Variants in UTRN observed in about 807,000 individuals in gnomAD.
UTRN encodes dystrophin-related protein 1.
Under a neutral mutation model 463.9 loss-of-function variants are expected in UTRN, and 283 were observed. The ratio of observed to expected loss-of-function variants is 0.61; its 90% CI spans 0.55 to 0.67. The LOEUF is 0.67. Among genes scored for constraint, UTRN ranks in the 30% least tolerant of loss-of-function variants. UTRN has a pLI of 0.00. For missense variants in UTRN, 3,922 were observed against 4,084.3 expected, an observed-to-expected ratio of 0.96 and a Z score of 1.08; for synonymous variants, 1,442 against 1,431.5, an observed-to-expected ratio of 1.01 and a Z score of -0.17.
rs1371428264 is a variant in UTRN at position 144,344,437 on chromosome 6, C to T, written c.79+52530C>T. On this transcript the variant is annotated intron_variant, in intron 2 of 74. Coordinates refer to ENST00000367545, the MANE Select transcript of UTRN (RefSeq NM_007124.3). ...CAGGCTGGTGACGGGAACAGACAGC[C>T]TGTCTTTCCTGCTGCCACGTCTGTT... is the stretch of plus-strand genomic sequence containing the variant. The T allele has an allele frequency of 5.8e-6, 6 of 1,031,052 alleles. No individual in the cohort carries two copies. In the East Asian group the frequency reaches 3.7e-4, roughly 63 times the overall value. The allele number at this position is 1,031,052 out of a possible 1,614,324, so 63.9% of individuals were successfully genotyped here.
chr6:144,785,586 CT>C (rs1776228702), intron 61 of UTRN, among the ~76,000 whole-genome samples: 1 of 151,352 alleles, frequency 6.6e-6, no homozygotes, highest in South Asian at 2.1e-4. Flanking sequence ...TACCCACCTC[CT>C]GATATTCTGA....
chr6:144,801,961 T>A (rs1777736395), intron 64 of UTRN, among the ~76,000 whole-genome samples: 1 of 152,132 alleles, frequency 6.6e-6, no homozygotes, highest in South Asian at 2.1e-4. Context: ...CCCCACCCAA[T>A]AACTTTGGTT....
At chr6:144,538,340 A>G (rs543685384) in intron 44 of UTRN, among the ~76,000 whole-genome samples, 1 of 152,144 alleles carries the variant, frequency 6.6e-6, no homozygotes, top group Admixed American at 6.6e-5. Context: ...TTGTTGCAGA[A>G]CACTCAGCAT....
chr6:144,647,809 T>C (rs925898199), intron 51 of UTRN, among the ~76,000 whole-genome samples: 2 of 152,240 alleles, frequency 1.3e-5, no homozygotes, highest in Non-Finnish European at 2.9e-5. Flanking sequence ...ACATGGATAG[T>C]TCAAAATGGA....
chr6:144,551,646 G>A (rs9497002), intron 48 of UTRN, among the ~76,000 whole-genome samples: 3,756 of 152,218 alleles, frequency 0.025, 156 homozygotes, highest in African/African-American at 0.084. Context: ...TTCTAGCTCA[G>A]AAGCATCTAG....
At chr6:144,301,757 G>A (rs2473146) in intron 2 of UTRN, among the ~76,000 whole-genome samples, 20,861 of 151,588 alleles carry the variant, frequency 0.14, 1,901 homozygotes, top group African/African-American at 0.27. Flanking sequence ...CTGGTCCTGA[G>A]CTCCTAACCT....
chr6:144,372,444 G>T (rs1390057787), intron 2 of UTRN, among the ~76,000 whole-genome samples: 1 of 152,160 alleles, frequency 6.6e-6, no homozygotes, highest in African/African-American at 2.4e-5. Context: ...TGCAAATTAG[G>T]TATCTGCTAA....
chr6:144,423,453 C>A, intron 4 of UTRN, 96 bp from the exon 5 acceptor site: 1 of 1,275,408 alleles, frequency 7.8e-7, no homozygotes, highest in Non-Finnish European at 1.1e-6. Context: ...GGGCCCTGTA[C>A]GCTGAGCTTC....
chr6:144,604,598 C>T (rs1434978715), intron 51 of UTRN, among the ~76,000 whole-genome samples: 1 of 151,762 alleles, frequency 6.6e-6, no homozygotes, highest in African/African-American at 2.4e-5. Context: ...AATTTTTTTT[C>T]AACTTTGAAT....
intron 51 of UTRN, among the ~76,000 whole-genome samples, chr6:144,643,489 G>C (rs1293799642): frequency 6.6e-6 from 1 of 152,096 alleles, no homozygotes; most frequent in Non-Finnish European, 1.5e-5. Context: ...AAATAGTTTT[G>C]TTTTGTTAAA....
chr6:144,751,731 G>C, intron 55 of UTRN, 75 bp from the exon 56 acceptor site: 1 of 1,413,738 alleles, frequency 7.1e-7, no homozygotes, highest in South Asian at 1.5e-5. Context: ...TCAGACCTAA[G>C]TTATTTAAGG....
At chr6:144,676,502 A>G (rs968183480) in intron 51 of UTRN, among the ~76,000 whole-genome samples, 2 of 150,252 alleles carry the variant, frequency 1.3e-5, no homozygotes, top group African/African-American at 4.9e-5. Flanking sequence ...TTTTGGAAGT[A>G]TTTTTGCTGA....
intron 53 of UTRN, among the ~76,000 whole-genome samples, chr6:144,710,862 A>T (rs1415701126): frequency 6.6e-6 from 1 of 152,236 alleles, no homozygotes; most frequent in African/African-American, 2.4e-5. Context: ...TATCTAGATT[A>T]ACCCGTCAAA....
intron 17 of UTRN, 114 bp from the exon 18 acceptor site, chr6:144,451,256 T>C (rs1788271363): frequency 1.6e-6 from 2 of 1,260,242 alleles, no homozygotes; most frequent in African/African-American, 3.0e-5. Flanking sequence ...TTGCTGTTTT[T>C]GGGGGAGTGA....
intron 65 of UTRN, among the ~76,000 whole-genome samples, chr6:144,806,455 T>C (rs561865799): frequency 7.2e-5 from 11 of 152,324 alleles, no homozygotes; most frequent in African/African-American, 2.4e-4. Context: ...CAGGTCACTT[T>C]CTGCATTTGA....
At chr6:144,454,888 T>C (rs901668651) in intron 19 of UTRN, among the ~76,000 whole-genome samples, 5 of 152,136 alleles carry the variant, frequency 3.3e-5, no homozygotes, top group Non-Finnish European at 7.4e-5. Context: ...CTGTGTAACC[T>C]ACACACACAC....
chr6:144,785,647 A>G (rs951555376), intron 61 of UTRN, among the ~76,000 whole-genome samples: 1 of 152,212 alleles, frequency 6.6e-6, no homozygotes, highest in Non-Finnish European at 1.5e-5. Context: ...CAAGAATTCA[A>G]ATTTTTGGTT....
At chr6:144,608,235 G>A (rs1204855115) in intron 51 of UTRN, among the ~76,000 whole-genome samples, 2 of 152,152 alleles carry the variant, frequency 1.3e-5, no homozygotes, top group African/African-American at 4.8e-5. Context: ...CAGAAGAAAA[G>A]GGAATCCTAC....
intron 50 of UTRN, among the ~76,000 whole-genome samples, chr6:144,566,560 G>A (rs1172458501): frequency 6.6e-6 from 1 of 152,004 alleles, no homozygotes; most frequent in Admixed American, 6.6e-5. Context: ...CCTTTCTCTG[G>A]GTGGTGTCAT....
Sources: gnomAD v4.1 joint callset for allele counts (sites outside exome capture counted in the v4.1 genomes callset) on GRCh38, gnomAD v4.1.1 for gene constraint, MANE v1.5 for transcripts, NCBI Gene and HGNC (gene_info 2026-07-23, HGNC 2026-07-21) for gene names.